Variants in TBC1D1 observed in about 807,000 individuals in gnomAD.
TBC1D1 encodes TBC1 domain family member 1, also known as TBC1 (tre-2/USP6, BUB2, cdc16) domain family, member 1.
In TBC1D1, 89 loss-of-function variants were observed where a neutral mutation model predicts 125.6. The observed-to-expected ratio is 0.71, with a 90% CI of 0.60 to 0.85. The LOEUF (loss-of-function observed/expected upper bound fraction) is 0.85, where lower values mean the gene tolerates loss of function less well. TBC1D1 is among the 40% of genes least tolerant of loss of function. TBC1D1 has a pLI of 0.00. For synonymous variants in TBC1D1, 565 were observed against 564.1 expected (o/e 1.00, Z -0.02); for missense variants, 1,377 against 1,469.2 (o/e 0.94, Z 1.03).
At chr4:37,921,670 C>G (rs1721029004) in intron 2 of TBC1D1, among the ~76,000 whole-genome samples, 1 of 151,898 alleles carries the variant, frequency 6.6e-6, no homozygotes, top group African/African-American at 2.4e-5. Flanking sequence ...CTCAGCCTCC[C>G]AAAGTGCTGA....
At chr4:38,097,041 A>G (rs1759468117) in intron 14 of TBC1D1, among the ~76,000 whole-genome samples, 1 of 152,202 alleles carries the variant, frequency 6.6e-6, no homozygotes. Flanking sequence ...ATCTGATTCT[A>G]TGCTACTGAG....
intron 3 of TBC1D1, among the ~76,000 whole-genome samples, chr4:38,015,612 C>T (rs1020191075): frequency 4.6e-5 from 7 of 152,136 alleles, no homozygotes; most frequent in African/African-American, 9.7e-5. Flanking sequence ...TGGGAGTCCC[C>T]TGGGTCTGAA....
chr4:38,034,740 A>G (rs1315526606), intron 7 of TBC1D1, among the ~76,000 whole-genome samples: 1 of 152,260 alleles, frequency 6.6e-6, no homozygotes, highest in Admixed American at 6.5e-5. Context: ...ACATAAAAAA[A>G]GATGTATTTT....
At chr4:38,006,472 C>G (rs1299815011) in intron 2 of TBC1D1, among the ~76,000 whole-genome samples, 1 of 112,352 alleles carries the variant, frequency 8.9e-6, no homozygotes, top group Non-Finnish European at 1.8e-5. Context: ...GGGACCAACA[C>G]TATTTTTTTT....
chr4:38,052,184 TGTGTGTGTGTGCGCGCGC>T lies in TBC1D1; in HGVS notation c.1911-2006_1911-1989del. ...CAGAGCCACTGTGTGTGTGTGTGTGTGTGTGTGTGTGCGCGCGCGTGTGTGTCTTTGTTTATATTTTGT... is the reference window on the plus strand; with the variant it reads ...CAGAGCCACTGTGTGTGTGTGTGTGTGTGTGTGTCTTTGTTTATATTTTGT... On this transcript the variant is annotated intron_variant, in intron 11 of 19. Transcript: ENST00000261439. The T allele has an allele frequency of 3.8e-6, 3 of 782,606 alleles. No homozygotes were observed. In the African/African-American group the frequency reaches 5.4e-5, roughly 14 times the overall value. 48.5% of individuals were successfully genotyped at this position (782,606 alleles called of 1,614,324 possible).
At chr4:38,106,718 G>A (rs1217801667) in intron 15 of TBC1D1, among the ~76,000 whole-genome samples, 1 of 152,026 alleles carries the variant, frequency 6.6e-6, no homozygotes, top group South Asian at 2.1e-4. Context: ...CCACGGACAC[G>A]ATCAGCCCCT....
At chr4:38,049,488 G>A in intron 10 of TBC1D1, 130 bp from the exon 11 acceptor site, 1 of 1,075,092 alleles carries the variant, frequency 9.3e-7, no homozygotes, top group Non-Finnish European at 1.3e-6. Flanking sequence ...TTTTGGTGGT[G>A]GCTTCTAGAT....
At chr4:37,922,215 G>A (rs952897948) in intron 2 of TBC1D1, among the ~76,000 whole-genome samples, 2 of 152,018 alleles carry the variant, frequency 1.3e-5, no homozygotes, top group Non-Finnish European at 2.9e-5. Flanking sequence ...CCCATCTTTT[G>A]TTTTGGTATC....
chr4:37,952,223 C>T (rs1272723419), intron 2 of TBC1D1: 3 of 612,384 alleles, frequency 4.9e-6, no homozygotes, highest in Non-Finnish European at 8.9e-6. Flanking sequence ...TTGTTGTGAT[C>T]TTCGCTGAGT....
At chr4:38,118,325 A>G (rs1763308667) in intron 17 of TBC1D1, 133 bp downstream of exon 19, 8 of 1,117,412 alleles carry the variant, frequency 7.2e-6, no homozygotes, top group African/African-American at 1.6e-5. Context: ...TTGATAGTCT[A>G]AGATTAGTCA....
chr4:38,118,794 G>A (rs945060962), intron 17 of TBC1D1, among the ~76,000 whole-genome samples: 8 of 152,300 alleles, frequency 5.3e-5, no homozygotes, highest in East Asian at 3.9e-4. Context: ...TGCCACTCCC[G>A]TGCCCCCGCT....
chr4:38,051,237 A>G (rs1750479325), intron 11 of TBC1D1, among the ~76,000 whole-genome samples: 1 of 152,172 alleles, frequency 6.6e-6, no homozygotes, highest in Non-Finnish European at 1.5e-5. Context: ...CACATCCGTA[A>G]TGGGAGGGAT....
chr4:37,902,297 G>T lies in TBC1D1; in HGVS notation c.202G>T (p.Val68Phe). The T allele has an allele frequency of 6.2e-7, 1 of 1,614,020 alleles. No homozygotes were observed. Among genetic ancestry groups the T allele is most frequent in the South Asian group, 1.1e-5 (1 of 91,076 alleles). ...TGTAACCAAGCAAGTCCGGCTTTGC[G>T]TTTCACCCTCTGGACTGAGATGTGA... Residue 68 changes from valine to phenylalanine, a missense_variant, in exon 2 of 20, where the codon GTT becomes TTT. Around this residue, in one of 3 missense-constraint regions of TBC1D1, gnomAD observed 822 missense variants for 824.6 expected, o/e 1.00. Transcript: ENST00000261439.
At chr4:38,006,991 C>A in intron 2 of TBC1D1, 1 of 424,550 alleles carries the variant, frequency 2.4e-6, no homozygotes, top group African/African-American at 2.1e-5. Context: ...AAGGGTGGTT[C>A]ACTAAACAGT....
At chr4:37,917,326 T>G (rs1286367916) in intron 2 of TBC1D1, among the ~76,000 whole-genome samples, 2 of 151,268 alleles carry the variant, frequency 1.3e-5, no homozygotes, top group Non-Finnish European at 2.9e-5. Flanking sequence ...AATACAAAAA[T>G]TAGCTGGGCG....
intron 13 of TBC1D1, among the ~76,000 whole-genome samples, chr4:38,093,519 T>TTCA (rs375345240): frequency 1.4e-5 from 2 of 145,756 alleles, no homozygotes; most frequent in Non-Finnish European, 3.0e-5. Context: ...AAGGCCGTTT[T>TTCA]CCCCCCCCTT....
At chr4:37,925,116 A>T (rs1721792611) in intron 2 of TBC1D1, among the ~76,000 whole-genome samples, 1 of 152,216 alleles carries the variant, frequency 6.6e-6, no homozygotes, top group Non-Finnish European at 1.5e-5. Flanking sequence ...CATGCAGCAT[A>T]CACTGTCTGC....
intron 6 of TBC1D1, among the ~76,000 whole-genome samples, chr4:38,023,683 G>A (rs1343753283): frequency 6.6e-6 from 1 of 152,146 alleles, no homozygotes; most frequent in Non-Finnish European, 1.5e-5. Context: ...CATTCCAAAA[G>A]TGTGTCCACA....
chr4:37,958,422 T>G (rs1019532156), intron 2 of TBC1D1, among the ~76,000 whole-genome samples: 4 of 152,226 alleles, frequency 2.6e-5, no homozygotes, highest in African/African-American at 7.2e-5. Context: ...GGACAGTTAA[T>G]TTTTCCTCGT....
Sources: allele counts gnomAD v4.1 joint callset (sites outside exome capture counted in the v4.1 genomes callset), GRCh38; gene constraint gnomAD v4.1.1; regional missense constraint gnomAD v4.1.1; transcripts MANE v1.5; gene names NCBI Gene and HGNC (gene_info 2026-07-23, HGNC 2026-07-21).